Variants in CASD1 observed in about 807,000 individuals in gnomAD.
CASD1 encodes the protein N-acetylneuraminate (7)9-O-acetyltransferase.
In CASD1, 41 loss-of-function variants were observed where a neutral mutation model predicts 100.0. That is an observed-to-expected ratio of 0.41 (90% confidence interval 0.32 to 0.53). CASD1 has a LOEUF of 0.53. Ranked by LOEUF, CASD1 falls within the 20% of genes least tolerant of loss-of-function variation. The pLI is 0.25. For synonymous variants in CASD1, 321 were observed against 315.6 expected (o/e 1.02, Z -0.18); for missense variants, 774 against 948.7 (o/e 0.82, Z 2.42).
chr7:94,533,295 T>C lies in CASD1; in HGVS notation c.504+46T>C, dbSNP rs774197143. ...TTACTTAATGATTTTGTTTCACGTT[T>C]AAGAACATGCTAAGAAAAAGTTAAT... On this transcript the variant is annotated intron_variant, in intron 6 of 17. Coordinates refer to ENST00000297273, the MANE Select transcript of CASD1 (RefSeq NM_022900.5). The C allele has an allele frequency of 3.3e-6, 5 of 1,506,598 alleles. No homozygotes were observed. In the African/African-American group the frequency reaches 4.1e-5, roughly 12 times the overall value. The allele number at this position is 1,506,598 out of a possible 1,614,324, so 93.3% of individuals were successfully genotyped here. A position where few individuals can be genotyped will look rare whatever the true frequency, so the allele number is the denominator to read the frequency against.
At chr7:94,557,267 T>C (rs1458993915), downstream of CASD1, among the ~76,000 whole-genome samples, 1 of 152,084 alleles carries the variant, frequency 6.6e-6, no homozygotes, top group Non-Finnish European at 1.5e-5. Flanking sequence ...ATTTATGTGC[T>C]ACTGATATAC....
intron 1 of CASD1, among the ~76,000 whole-genome samples, chr7:94,516,465 CT>C (rs1243485362): frequency 6.6e-6 from 1 of 152,104 alleles, no homozygotes; most frequent in Non-Finnish European, 1.5e-5. Flanking sequence ...GCTCAATATC[CT>C]TTTTGTTCTG....
the CASD1 span, chr7:94,616,890 G>A: frequency 1.3e-5 from 2 of 152,124 alleles, no homozygotes; most frequent in Non-Finnish European, 2.9e-5. Flanking sequence ...ATTTTGTAAA[G>A]GTTAAGGCTT....
chr7:94,607,748 T>A, the CASD1 span, among the ~76,000 whole-genome samples: 1 of 152,216 alleles, frequency 6.6e-6, no homozygotes, highest in Non-Finnish European at 1.5e-5. Context: ...CTCATCACTG[T>A]TTTTTAACAT....
At chr7:94,633,663 T>C in the CASD1 span, among the ~76,000 whole-genome samples, 1 of 152,126 alleles carries the variant, frequency 6.6e-6, no homozygotes, top group African/African-American at 2.4e-5. Context: ...CAATGTCTTG[T>C]TTTCCTTTAC....
chr7:94,533,074 A>C, intron 5 of CASD1, 131 bp from the exon 6 acceptor site: 2 of 524,748 alleles, frequency 3.8e-6, no homozygotes, highest in South Asian at 8.2e-5. Context: ...AATAATAATA[A>C]GGAATTCTAA....
At chr7:94,546,065 C>G (rs1292158678) in intron 12 of CASD1, among the ~76,000 whole-genome samples, 1 of 151,728 alleles carries the variant, frequency 6.6e-6, no homozygotes, top group South Asian at 2.1e-4. Context: ...GCCTCCATGC[C>G]CCTATGTTTT....
chr7:94,562,950 A>G, the CASD1 span, among the ~76,000 whole-genome samples: 6 of 152,008 alleles, frequency 3.9e-5, no homozygotes, highest in African/African-American at 1.5e-4. Context: ...CCTGTATTTT[A>G]CAGCTTAGTT....
At chr7:94,525,583 T>C (rs1030808490) in intron 3 of CASD1, among the ~76,000 whole-genome samples, 1 of 152,198 alleles carries the variant, frequency 6.6e-6, no homozygotes, top group African/African-American at 2.4e-5. Flanking sequence ...AATTACTGTA[T>C]GCAAAGTAAG....
At chr7:94,561,944 C>T (rs892063779), downstream of CASD1, among the ~76,000 whole-genome samples, 9 of 152,082 alleles carry the variant, frequency 5.9e-5, no homozygotes, top group African/African-American at 1.7e-4. Flanking sequence ...CCTGACTTAC[C>T]CCTAGAATTT....
At chr7:94,598,946 T>C in the CASD1 span, 1 of 1,613,588 alleles carries the variant, frequency 6.2e-7, no homozygotes, top group East Asian at 2.2e-5. Context: ...AATAGCACTG[T>C]GATGGACCAG....
At chr7:94,523,345 T>C (rs1014071408) in intron 3 of CASD1, among the ~76,000 whole-genome samples, 12 of 152,330 alleles carry the variant, frequency 7.9e-5, no homozygotes, top group African/African-American at 2.9e-4. Context: ...TAGCTGATAA[T>C]AAGATGTACA....
chr7:94,587,426 A>T, the CASD1 span: 1,760 of 1,157,290 alleles, frequency 1.5e-3, 27 homozygotes, highest in African/African-American at 0.025. Context: ...GAATCAGAAG[A>T]TAGAAATCTT....
chr7:94,576,929 C>G, the CASD1 span, among the ~76,000 whole-genome samples: 1 of 152,172 alleles, frequency 6.6e-6, no homozygotes, highest in South Asian at 2.1e-4. Context: ...ATTCCCAATA[C>G]AGCCCATGTA....
chr7:94,584,102 A>G, the CASD1 span, among the ~76,000 whole-genome samples: 2 of 152,208 alleles, frequency 1.3e-5, no homozygotes, highest in Admixed American at 6.5e-5. Flanking sequence ...GCTAATTCCA[A>G]CTGCACTTTG....
chr7:94,518,156 A>C, intron 2 of CASD1, 47 bp from the exon 3 acceptor site: 1 of 1,466,454 alleles, frequency 6.8e-7, no homozygotes, highest in Non-Finnish European at 9.0e-7. Context: ...AAATGCCAGG[A>C]TGGCTGATTT....
In CASD1 at chr7:94,545,633, C is replaced by G. The variant is rs373324361; in HGVS notation, c.1565C>G (p.Thr522Ser). ...TTCTATTACTTTGTCCCCTTGGTCA[C>G]TGTATGGTTCATGGTCATATATGTT... ...YQFYYFVPLVTVWFMVIYVTL... is the reference protein window; with the variant it reads ...YQFYYFVPLVSVWFMVIYVTL... Residue 522 changes from threonine to serine, a missense_variant, in exon 12 of 18, where the codon ACT becomes AGT. Around this residue, in one of 5 missense-constraint regions of CASD1, gnomAD observed 453 missense variants for 532.6 expected, o/e 0.85. Transcript: ENST00000297273. 6.2e-7 allele frequency: 1 copy of G among 1,611,506 alleles called. No homozygotes were observed. Among genetic ancestry groups the G allele is most frequent in the Non-Finnish European group, 8.5e-7 (1 of 1,178,118 alleles).
At chr7:94,600,876 A>G in the CASD1 span, 1 of 1,567,956 alleles carries the variant, frequency 6.4e-7, no homozygotes, top group South Asian at 1.1e-5. Context: ...AAAGAAGACA[A>G]TTACACAACA....
the CASD1 span, chr7:94,590,436 C>T: frequency 2.0e-5 from 3 of 151,980 alleles, no homozygotes; most frequent in Non-Finnish European, 4.4e-5. Context: ...GAATAAGAAC[C>T]ATCATATTTT....
Sources: allele counts gnomAD v4.1 joint callset (sites outside exome capture counted in the v4.1 genomes callset), GRCh38; gene constraint gnomAD v4.1.1; regional missense constraint gnomAD v4.1.1; transcripts MANE v1.5; gene names NCBI Gene and HGNC (gene_info 2026-07-23, HGNC 2026-07-21).